The following TDRP variants were observed in gnomAD, a reference collection of about 807,000 sequenced individuals.
TDRP encodes the protein testis development related protein.
Under a neutral mutation model 10.5 loss-of-function variants are expected in TDRP, and 12 were observed. The ratio of observed to expected loss-of-function variants is 1.15; its 90% confidence interval spans 0.73 to 1.86. The LOEUF is 1.86. Ranked by LOEUF, TDRP falls within the 40% of genes most tolerant of loss-of-function variation. The pLI is 0.00. For missense variants in TDRP, 353 were observed against 229.2 expected, an observed-to-expected ratio of 1.54 and a Z score of -3.49; for synonymous variants, 139 against 95.4, an observed-to-expected ratio of 1.46 and a Z score of -2.67.
intron 1 of TDRP, among the ~76,000 whole-genome samples, chr8:534,645 G>T (rs1383916691): frequency 2.6e-5 from 4 of 152,200 alleles, no homozygotes; most frequent in African/African-American, 9.7e-5. Flanking sequence ...GTTCTCAATA[G>T]ACTGCAGGAA....
At chr8:504,627 TAAG>T (rs1221699180) in intron 1 of TDRP, among the ~76,000 whole-genome samples, 1 of 150,968 alleles carries the variant, frequency 6.6e-6, no homozygotes, top group Non-Finnish European at 1.5e-5. Context: ...GTTTTGGGAA[TAAG>T]AAGTCAGCAC....
chr8:501,894 G>C (rs1046449089), intron 1 of TDRP, among the ~76,000 whole-genome samples: 3 of 152,166 alleles, frequency 2.0e-5, no homozygotes, highest in Admixed American at 6.5e-5. Flanking sequence ...GGAAGGAGCT[G>C]TGCATGACCC....
chr8:525,758 GAAGAA>G (rs1461208969), intron 1 of TDRP, among the ~76,000 whole-genome samples: 1 of 152,164 alleles, frequency 6.6e-6, no homozygotes, highest in African/African-American at 2.4e-5. Context: ...AGGAAGGAAA[GAAGAA>G]AAGACCGCAG....
chr8:510,797 A>T (rs1304747542), intron 1 of TDRP, among the ~76,000 whole-genome samples: 1 of 152,216 alleles, frequency 6.6e-6, no homozygotes, highest in East Asian at 1.9e-4. Flanking sequence ...GAGAAAACAA[A>T]GTGCACCGGT....
chr8:503,952 A>G (rs1219045922), intron 1 of TDRP, among the ~76,000 whole-genome samples: 1 of 139,338 alleles, frequency 7.2e-6, no homozygotes, highest in Non-Finnish European at 1.6e-5. Context: ...AATGGAACCA[A>G]TGCCCACCTC....
Position 520,941 on chromosome 8 carries a change from T to C in TDRP, c.108+23709A>G, listed in dbSNP as rs542817630. 1.6e-4 allele frequency among the ~76,000 whole-genome samples: 24 copies of C among 152,304 alleles called. No homozygotes were observed. In the South Asian group the frequency reaches 5.0e-3, roughly 32 times the overall value. ...TACATGTAAGTCTTAAATTTTGATATGCTTCAATTTGTCTATTTTTGCTTT... is the reference window on the plus strand; with the variant it reads ...TACATGTAAGTCTTAAATTTTGATACGCTTCAATTTGTCTATTTTTGCTTT... On this transcript the variant is annotated intron_variant, in intron 1 of 2. Transcript: ENST00000324079.
chr8:524,354 A>T (rs1443036686), intron 1 of TDRP, among the ~76,000 whole-genome samples: 1 of 152,160 alleles, frequency 6.6e-6, no homozygotes, highest in Admixed American at 6.5e-5. Flanking sequence ...AACTGCATAT[A>T]CTACAATAAA....
chr8:529,665 T>C (rs898800687), intron 1 of TDRP, among the ~76,000 whole-genome samples: 3 of 152,212 alleles, frequency 2.0e-5, no homozygotes, highest in African/African-American at 7.2e-5. Context: ...TGTATTTTTA[T>C]TTTTAACAAC....
Position 491,573 on chromosome 8 carries a change from C to G in TDRP, c.*826G>C. ...TGAGCCTAATAAAAAAGAGGCACTT[C>G]AGTATTTTATGCACAGTCTTAACTC... On this transcript the variant is annotated 3_prime_UTR_variant, in exon 3 of 3. Coordinates refer to ENST00000324079, the MANE Select transcript of TDRP (RefSeq NM_001384899.1). 3 of 1,489,328 alleles carry G rather than the reference C, an allele frequency of 2.0e-6. No homozygotes were observed. The highest frequency in any genetic ancestry group is 2.7e-6 in the Non-Finnish European group (3 of 1,128,242). The allele number at this position is 1,489,328 out of a possible 1,614,324, so 92.3% of individuals were successfully genotyped here.
chr8:509,374 G>C (rs1168696856), intron 1 of TDRP, among the ~76,000 whole-genome samples: 7 of 152,290 alleles, frequency 4.6e-5, no homozygotes, highest in East Asian at 1.9e-4. Context: ...CTTCTTTCTG[G>C]ACATCCAGGT....
At chr8:536,521 G>C (rs1315713702) in intron 1 of TDRP, among the ~76,000 whole-genome samples, 1 of 152,100 alleles carries the variant, frequency 6.6e-6, no homozygotes, top group African/African-American at 2.4e-5. Flanking sequence ...TCTAAATACT[G>C]ATCAAGTATT....
Position 490,800 on chromosome 8 carries a change from T to C in TDRP, c.*1599A>G, listed in dbSNP as rs992241158. On this transcript the variant is annotated 3_prime_UTR_variant, in exon 3 of 3. Transcript: ENST00000324079. The stretch of plus-strand genomic sequence containing the variant: ...CAACTTCACCATTTCAAGGTTCTAA[T>C]ACAAGCTGGAATTTTTGTTTGAACA... 2.0e-5 allele frequency: 3 copies of C among 152,154 alleles called. No individual in the cohort carries two copies. Among genetic ancestry groups the C allele is most frequent in the Non-Finnish European group, 2.9e-5 (2 of 68,026 alleles). The allele number at this position is 152,154 out of a possible 1,614,324, so 9.4% of individuals were successfully genotyped here. A position where few individuals can be genotyped will look rare whatever the true frequency, so the allele number is the denominator to read the frequency against.
In TDRP at chr8:515,339, T is replaced by C. The variant is rs1437386456; in HGVS notation, c.109-20742A>G. ...AAACTATGAGTATATACATTATGCA[T>C]GTAAAGTGTTGTCTATATTAGCACA... On this transcript the variant is annotated intron_variant, in intron 1 of 2. Coordinates refer to ENST00000324079, the MANE Select transcript of TDRP (RefSeq NM_001384899.1). Among the ~76,000 whole-genome samples, 4 of 152,238 alleles carry C rather than the reference T, an allele frequency of 2.6e-5. No individual in the cohort carries two copies. In the East Asian group the frequency reaches 7.7e-4, roughly 29 times the overall value.
intron 1 of TDRP, among the ~76,000 whole-genome samples, chr8:513,912 A>C (rs1801684070): frequency 6.6e-6 from 1 of 152,228 alleles, no homozygotes; most frequent in Non-Finnish European, 1.5e-5. Flanking sequence ...CATCAAAATA[A>C]TAAAATACTT....
chr8:540,188 C>T (rs746770775), intron 1 of TDRP, among the ~76,000 whole-genome samples: 60 of 152,288 alleles, frequency 3.9e-4, no homozygotes, highest in Middle Eastern at 3.4e-3. Flanking sequence ...GGCTCAGCAA[C>T]CTTTATATTC....
chr8:531,207 T>G (rs891570506), intron 1 of TDRP, among the ~76,000 whole-genome samples: 3 of 152,166 alleles, frequency 2.0e-5, no homozygotes, highest in African/African-American at 4.8e-5. Flanking sequence ...CAGCTGTTCT[T>G]GGCTTTGAGC....
At chr8:544,286 C>G (rs944983769) in intron 1 of TDRP, among the ~76,000 whole-genome samples, 1 of 151,994 alleles carries the variant, frequency 6.6e-6, no homozygotes, top group Non-Finnish European at 1.5e-5. Context: ...CCACGACGCC[C>G]GCGCCGCGGG....
intron 1 of TDRP, among the ~76,000 whole-genome samples, chr8:502,712 A>G (rs115676205): frequency 1.4e-4 from 20 of 142,258 alleles, no homozygotes; most frequent in African/African-American, 5.3e-4. Context: ...ACCTCAGCAC[A>G]CATCAACACA....
At position 499,225 on chromosome 8, in the gene TDRP, T is replaced by TTTTTGTTTTG. The variant is rs76093312; in HGVS notation, c.109-4638_109-4629dup. On this transcript the variant is annotated intron_variant, in intron 1 of 2. Transcript: ENST00000324079. ...TCTAGTTTATGAACTTCAAACAACG[T>TTTTTGTTTTG]TTTTGTTTTGTTTTGTTTTGTTTTT... 3.2e-3 allele frequency among the ~76,000 whole-genome samples: 491 copies of TTTTTGTTTTG among 152,016 alleles called. 4 individuals are homozygous for TTTTTGTTTTG. The highest frequency in any genetic ancestry group is 0.011 in the African/African-American group (472 of 41,390).
Sources: allele counts gnomAD v4.1 joint callset (sites outside exome capture counted in the v4.1 genomes callset), GRCh38; gene constraint gnomAD v4.1.1; transcripts MANE v1.5; gene names NCBI Gene and HGNC (gene_info 2026-07-23, HGNC 2026-07-21).